HCN1: variants seen among roughly 807,000 people sequenced by gnomAD.
The protein encoded by HCN1 is potassium/sodium hyperpolarization-activated cyclic nucleotide-gated channel 1.
In HCN1, 13 loss-of-function variants were observed where a neutral mutation model predicts 78.9. The ratio of observed to expected loss-of-function variants is 0.16; its 90% CI spans 0.11 to 0.26. HCN1 has a LOEUF of 0.26. Ranked by LOEUF, HCN1 falls within the 10% of genes least tolerant of loss-of-function variation. HCN1 has a pLI of 1.00. For missense variants in HCN1, 810 were observed against 1,154.3 expected (o/e 0.70, Z 4.32); for synonymous variants, 552 against 455.5 (o/e 1.21, Z -2.70).
chr5:45,631,492 G>A (rs887624984), intron 2 of HCN1, among the ~76,000 whole-genome samples: 7 of 152,084 alleles, frequency 4.6e-5, no homozygotes, highest in African/African-American at 1.4e-4. Context: ...GTTATGTAGT[G>A]GGAGTGACAT....
At chr5:45,368,638 C>T (rs1177368645) in intron 4 of HCN1, among the ~76,000 whole-genome samples, 4 of 152,032 alleles carry the variant, frequency 2.6e-5, no homozygotes, top group Non-Finnish European at 5.9e-5. Flanking sequence ...TTGGCATCTC[C>T]ACTTGGGTGT....
rs1017009613 is a variant in HCN1, at chr5:45,373,090, A to G, written c.1231-19844T>C. On this transcript the variant is annotated intron_variant, in intron 4 of 7. Transcript: ENST00000303230. ...TATGTAGTATATAATATATAAAAAT[A>G]TAATATATATAAAATACATATAGTA... Among the ~76,000 whole-genome samples the G allele has an allele frequency of 5.2e-5, 7 of 134,180 alleles. No individual in the cohort carries two copies. The South Asian group carries it at 6.7e-4, about 13-fold the overall frequency. 88.0% of individuals were successfully genotyped at this position (134,180 alleles called of 152,430 possible). A position where few individuals can be genotyped will look rare whatever the true frequency, so the allele number is the denominator to read the frequency against.
intron 4 of HCN1, among the ~76,000 whole-genome samples, chr5:45,362,528 T>C (rs548010923): frequency 6.6e-6 from 1 of 152,256 alleles, no homozygotes; most frequent in African/African-American, 2.4e-5. Flanking sequence ...CTCTTTCACC[T>C]GTATTTGAAT....
chr5:45,690,434 T>C (rs1034827317), intron 1 of HCN1, among the ~76,000 whole-genome samples: 7 of 152,064 alleles, frequency 4.6e-5, no homozygotes, highest in African/African-American at 1.4e-4. Context: ...TCAACTTCTA[T>C]ATATATTCTT....
intron 2 of HCN1, among the ~76,000 whole-genome samples, chr5:45,492,519 G>GTTTT (rs928476311): frequency 2.0e-5 from 2 of 102,344 alleles, no homozygotes; most frequent in African/African-American, 3.8e-5. Flanking sequence ...CAGTTTTTTT[G>GTTTT]TTTTTTTTTT....
chr5:45,391,553 A>T (rs2112035400), intron 4 of HCN1, among the ~76,000 whole-genome samples: 1 of 152,278 alleles, frequency 6.6e-6, no homozygotes, highest in Admixed American at 6.5e-5. Context: ...TAGCTTAAAA[A>T]ATTGAAGACT....
chr5:45,481,864 G>A (rs1433006383), intron 2 of HCN1, among the ~76,000 whole-genome samples: 2 of 151,978 alleles, frequency 1.3e-5, no homozygotes, highest in Admixed American at 1.3e-4. Context: ...AATTTTGAGA[G>A]GTTTACTCTC....
chr5:45,580,171 G>T (rs1744033139), intron 2 of HCN1, among the ~76,000 whole-genome samples: 1 of 152,152 alleles, frequency 6.6e-6, no homozygotes, highest in South Asian at 2.1e-4. Context: ...GGAAATTAAG[G>T]TTGTGGAGGT....
At chr5:45,367,494 A>T (rs184151413) in intron 4 of HCN1, among the ~76,000 whole-genome samples, 1 of 152,030 alleles carries the variant, frequency 6.6e-6, no homozygotes, top group East Asian at 1.9e-4. Context: ...ATTTGATAGC[A>T]ACTCAGGAAA....
chr5:45,627,771 G>A (rs908539469), intron 2 of HCN1, among the ~76,000 whole-genome samples: 1 of 152,088 alleles, frequency 6.6e-6, no homozygotes, highest in Non-Finnish European at 1.5e-5. Flanking sequence ...TAACTTCAGG[G>A]AAAATAGACA....
intron 2 of HCN1, among the ~76,000 whole-genome samples, chr5:45,520,062 G>C (rs180675918): frequency 6.6e-6 from 1 of 151,954 alleles, no homozygotes; most frequent in Non-Finnish European, 1.5e-5. Flanking sequence ...TATGAATAAA[G>C]ATATGGGCAT....
At position 45,271,681 on chromosome 5, in the gene HCN1, T is replaced by C. The variant is rs578068508; in HGVS notation, c.1619-4428A>G. ...TCTCCAGTGCCTACATGACAGATAG[T>C]AGGGGCTTAATGTTAGCTGACTTGA... On this transcript the variant is annotated intron_variant, in intron 6 of 7. Coordinates refer to ENST00000303230, the MANE Select transcript of HCN1 (RefSeq NM_021072.4). Among the ~76,000 whole-genome samples the C allele has an allele frequency of 2.6e-5, 4 of 152,304 alleles. No homozygotes were observed. The East Asian group carries it at 7.7e-4, about 29-fold the overall frequency.
chr5:45,342,751 A>C (rs1471362816), intron 5 of HCN1, among the ~76,000 whole-genome samples: 1 of 152,182 alleles, frequency 6.6e-6, no homozygotes, highest in Non-Finnish European at 1.5e-5. Context: ...AATTTAGATA[A>C]GTTTATAAAT....
chr5:45,379,571 A>T (rs1193576785), intron 4 of HCN1, among the ~76,000 whole-genome samples: 2 of 152,212 alleles, frequency 1.3e-5, no homozygotes, highest in East Asian at 3.9e-4. Context: ...AAGACACAAG[A>T]TACTTCCTTA....
At chr5:45,539,965 G>C (rs766301294) in intron 2 of HCN1, among the ~76,000 whole-genome samples, 35 of 134,912 alleles carry the variant, frequency 2.6e-4, no homozygotes, top group South Asian at 4.5e-4. Context: ...TATATAAAAT[G>C]TTTATCATTG....
intron 2 of HCN1, among the ~76,000 whole-genome samples, chr5:45,510,367 A>T (rs1353343352): frequency 6.6e-6 from 1 of 152,112 alleles, no homozygotes; most frequent in Non-Finnish European, 1.5e-5. Context: ...GTTCAGGAAC[A>T]TTCTATTATA....
chr5:45,525,473 G>T lies in HCN1; in HGVS notation c.850-63466C>A, dbSNP rs143047307. ...CGACATCAAATAAGTATGATAAAAT[G>T]AATATAAATATAATTATTTTATATA... On this transcript the variant is annotated intron_variant, in intron 2 of 7. Transcript: ENST00000303230. Among the ~76,000 whole-genome samples the T allele has an allele frequency of 5.0e-3, 755 of 151,418 alleles. 3 individuals carry two copies. The highest frequency in any genetic ancestry group is 0.017 in the African/African-American group (720 of 41,402).
chr5:45,340,209 C>G (rs1746547316), intron 5 of HCN1, among the ~76,000 whole-genome samples: 2 of 152,190 alleles, frequency 1.3e-5, no homozygotes, highest in African/African-American at 2.4e-5. Context: ...GCATGAGCCA[C>G]CATGTCCGGC....
intron 2 of HCN1, among the ~76,000 whole-genome samples, chr5:45,518,295 A>C (rs1003949527): frequency 6.6e-6 from 1 of 151,960 alleles, no homozygotes; most frequent in Non-Finnish European, 1.5e-5. Flanking sequence ...TGGGCATTCC[A>C]TGGTTCCATA....
Sources: allele counts gnomAD v4.1 joint callset (sites outside exome capture counted in the v4.1 genomes callset), GRCh38; gene constraint gnomAD v4.1.1; transcripts MANE v1.5; gene names NCBI Gene and HGNC (gene_info 2026-07-23, HGNC 2026-07-21).